The following TUB variants were observed in gnomAD, a reference collection of about 807,000 sequenced individuals.
TUB encodes TUB bipartite transcription factor, also known as tubby protein homolog.
Under a neutral mutation model 59.7 loss-of-function variants are expected in TUB, and 33 were observed. The observed-to-expected ratio is 0.55, with a 90% confidence interval of 0.42 to 0.74. The LOEUF (loss-of-function observed/expected upper bound fraction) is 0.74, where lower values mean the gene tolerates loss of function less well. Ranked by LOEUF, TUB falls within the 30% of genes least tolerant of loss-of-function variation. The pLI, the probability that TUB is intolerant of heterozygous loss-of-function variation, is 0.00. For synonymous variants in TUB, 293 were observed against 256.4 expected (o/e 1.14, Z -1.36); for missense variants, 659 against 672.0 (o/e 0.98, Z 0.21).
chr11:8,090,011 T>C lies in TUB; in HGVS notation c.91-58T>C, dbSNP rs1205349901. On this transcript the variant is annotated intron_variant, in intron 2 of 11. Transcript: ENST00000299506. ...GGTGGGCTGTGGACCCCCCGATAAC[T>C]GGGAGCCCGCCCTTCCTGGTGGAGG... The C allele has an allele frequency of 2.7e-6, 4 of 1,506,180 alleles. No individual in the cohort carries two copies. In the East Asian group the frequency reaches 9.8e-5, roughly 37 times the overall value. The allele number at this position is 1,506,180 out of a possible 1,614,324, so 93.3% of individuals were successfully genotyped here.
chr11:8,083,123 C>A (rs763907198), intron 1 of TUB, among the ~76,000 whole-genome samples: 2 of 152,206 alleles, frequency 1.3e-5, no homozygotes, highest in African/African-American at 2.4e-5. Flanking sequence ...GGCTGAGGAC[C>A]TTCTAGAAGA....
At chr11:8,039,837 G>A (rs541228497) in intron 2 of TUB, 6 of 568,400 alleles carry the variant, frequency 1.1e-5, no homozygotes, top group African/African-American at 5.8e-5. Flanking sequence ...ATGGGGTTTA[G>A]GGGAGGGTGT....
intron 1 of TUB, among the ~76,000 whole-genome samples, chr11:8,039,261 G>GGT (rs1318217261): frequency 6.6e-6 from 1 of 152,128 alleles, no homozygotes; most frequent in African/African-American, 2.4e-5. Context: ...ACCTCAGGGA[G>GGT]GTCCCCCACC....
chr11:8,101,431 G>A, intron 11 of TUB, 55 bp from the exon 12 acceptor site: 1 of 1,606,258 alleles, frequency 6.2e-7, no homozygotes. Flanking sequence ...TCCTTCCCTG[G>A]CTCTACCATT....
At chr11:8,076,775 A>G (rs891957598), upstream of TUB, 1 of 152,134 alleles carries the variant, frequency 6.6e-6, no homozygotes, top group South Asian at 2.1e-4. Flanking sequence ...TTTATGCCCT[A>G]TGCATTTTAT....
intron 9 of TUB, among the ~76,000 whole-genome samples, chr11:8,099,692 A>G (rs957079134): frequency 7.2e-5 from 11 of 152,208 alleles, no homozygotes; most frequent in African/African-American, 2.4e-4. Flanking sequence ...TATAAACACT[A>G]AGAAGAAAAA....
At chr11:8,046,452 C>T (rs1942834685) in intron 2 of TUB, among the ~76,000 whole-genome samples, 1 of 152,174 alleles carries the variant, frequency 6.6e-6, no homozygotes, top group South Asian at 2.1e-4. Flanking sequence ...CTTCTCTCAC[C>T]AACCTGTCCC....
intron 2 of TUB, chr11:8,069,410 G>A (rs964133280): frequency 7.2e-6 from 1 of 139,056 alleles, no homozygotes; most frequent in Non-Finnish European, 1.6e-5. Context: ...GGGGGGGGGG[G>A]GTAATTAACC....
At chr11:8,036,460 G>A (rs2133721537), upstream of TUB, among the ~76,000 whole-genome samples, 1 of 152,344 alleles carries the variant, frequency 6.6e-6, no homozygotes, top group African/African-American at 2.4e-5. Context: ...CTTCTTAGAA[G>A]GCTGTGCTCA....
At chr11:8,032,783 G>C (rs1475300334) in intron 1 of TUB, among the ~76,000 whole-genome samples, 1 of 152,208 alleles carries the variant, frequency 6.6e-6, no homozygotes, top group Non-Finnish European at 1.5e-5. Context: ...TCTGGCAAGA[G>C]AGGAAATGAC....
intron 1 of TUB, among the ~76,000 whole-genome samples, chr11:8,086,532 A>G (rs1943669802): frequency 6.6e-6 from 1 of 152,106 alleles, no homozygotes; most frequent in African/African-American, 2.4e-5. Flanking sequence ...GTTGTTGCGC[A>G]CTTGTCGTTA....
At chr11:8,024,854 A>G (rs1248821389) in intron 1 of TUB, among the ~76,000 whole-genome samples, 1 of 152,148 alleles carries the variant, frequency 6.6e-6, no homozygotes, top group Non-Finnish European at 1.5e-5. Context: ...GACCTCTCAG[A>G]CTCTGAGACA....
chr11:8,045,366 T>C (rs1942815722), intron 2 of TUB, among the ~76,000 whole-genome samples: 2 of 152,238 alleles, frequency 1.3e-5, no homozygotes, highest in South Asian at 4.1e-4. Context: ...GTGATTGATT[T>C]TTCTCCTAGT....
Position 8,095,484 on chromosome 11 carries a change from T to C in TUB, c.398-14T>C. 2 of 1,602,816 alleles carry C rather than the reference T, an allele frequency of 1.2e-6. No homozygotes were observed. Among genetic ancestry groups the C allele is most frequent in the Non-Finnish European group, 1.7e-6 (2 of 1,172,814 alleles). On this transcript the variant is annotated splice_polypyrimidine_tract_variant and intron_variant, in intron 4 of 11. Coordinates refer to ENST00000299506, the MANE Select transcript of TUB (RefSeq NM_177972.3). ...TCCTCCTGGATGTAACTCAGGCGTG[T>C]CCGTGGCCTGCAGGCACCAGCGGGC...
rs1162703110 is a variant in TUB at position 8,093,915 on chromosome 11, G to A, written c.254-131G>A. The A allele has an allele frequency of 7.9e-6, 8 of 1,018,592 alleles. No homozygotes were observed. The South Asian group carries it at 8.5e-5, about 11-fold the overall frequency. 63.1% of individuals were successfully genotyped at this position (1,018,592 alleles called of 1,614,324 possible). A position where few individuals can be genotyped will look rare whatever the true frequency, so the allele number is the denominator to read the frequency against. ...GGGCCTGATCCTGTGGGCTGTAGAA[G>A]TGGTACAGGGGCCCTGGTGGGACTC... On this transcript the variant is annotated intron_variant, in intron 3 of 11. Transcript: ENST00000299506.
chr11:8,056,794 G>C (rs1943027920), intron 2 of TUB, among the ~76,000 whole-genome samples: 1 of 152,048 alleles, frequency 6.6e-6, no homozygotes, highest in Non-Finnish European at 1.5e-5. Flanking sequence ...ATGTGGTTTG[G>C]GAGGGTGAGG....
chr11:8,044,720 C>G (rs539400714), intron 2 of TUB, among the ~76,000 whole-genome samples: 2 of 152,334 alleles, frequency 1.3e-5, no homozygotes, highest in African/African-American at 4.8e-5. Flanking sequence ...TTTCATAAGT[C>G]CCAGGTTGTC....
intron 3 of TUB, among the ~76,000 whole-genome samples, chr11:8,091,459 CATT>C (rs1943774453): frequency 6.6e-6 from 1 of 152,208 alleles, no homozygotes; most frequent in African/African-American, 2.4e-5. Context: ...CACAGGAACT[CATT>C]ATCCTCACAT....
chr11:8,021,418 C>T (rs1010354474), intron 1 of TUB, among the ~76,000 whole-genome samples: 3 of 151,694 alleles, frequency 2.0e-5, no homozygotes, highest in Non-Finnish European at 2.9e-5. Flanking sequence ...TGCAGTGAGC[C>T]GAGATTGTGT....
Sources: allele counts gnomAD v4.1 joint callset (sites outside exome capture counted in the v4.1 genomes callset), GRCh38; gene constraint gnomAD v4.1.1; transcripts MANE v1.5; gene names NCBI Gene and HGNC (gene_info 2026-07-23, HGNC 2026-07-21).